Variants in LINGO1 observed in about 807,000 individuals in gnomAD.
LINGO1 encodes the protein leucine rich repeat and Ig domain containing 1.
A neutral mutation model predicts 37.3 loss-of-function variants in LINGO1; 11 were observed. That is an observed-to-expected ratio of 0.29 (90% CI 0.19 to 0.49). The LOEUF (loss-of-function observed/expected upper bound fraction) is 0.49, where lower values mean the gene tolerates loss of function less well. Ranked by LOEUF, LINGO1 falls within the 20% of genes least tolerant of loss-of-function variation. The probability of loss-of-function intolerance (pLI) is 0.99; values close to 1 mark genes in which losing one functional copy is unlikely to be tolerated. For missense variants in LINGO1, 585 were observed against 878.2 expected (o/e 0.67, Z 4.22); for synonymous variants, 387 against 403.0 (o/e 0.96, Z 0.48).
intron 3 of LINGO1, among the ~76,000 whole-genome samples, chr15:77,669,289 T>C (rs1317975685): frequency 6.6e-6 from 1 of 152,236 alleles, no homozygotes; most frequent in Admixed American, 6.5e-5. Context: ...CCTCAGACTC[T>C]GCCAGCCCCT....
At chr15:77,813,930 T>C (rs970388581) in intron 1 of LINGO1, among the ~76,000 whole-genome samples, 1 of 152,216 alleles carries the variant, frequency 6.6e-6, no homozygotes, top group Non-Finnish European at 1.5e-5. Context: ...CGCCTTAGCA[T>C]GGCCAGGGTT....
At chr15:77,646,603 T>C in intron 3 of LINGO1, 1 of 326,918 alleles carries the variant, frequency 3.1e-6, no homozygotes, top group South Asian at 2.4e-5. Context: ...GCCTCTCTCC[T>C]TGGGGCAGAT....
chr15:77,774,179 G>T (rs1276563655), intron 1 of LINGO1, among the ~76,000 whole-genome samples: 1 of 152,118 alleles, frequency 6.6e-6, no homozygotes, highest in African/African-American at 2.4e-5. Flanking sequence ...ACAGCCTAGA[G>T]GGTGGTGAGT....
chr15:77,680,994 T>A (rs2075404288), intron 2 of LINGO1, among the ~76,000 whole-genome samples: 1 of 152,150 alleles, frequency 6.6e-6, no homozygotes, highest in African/African-American at 2.4e-5. Flanking sequence ...GGGAAAGCCC[T>A]TCCTGTTGAT....
At chr15:77,717,539 T>C (rs141921958) in intron 2 of LINGO1, among the ~76,000 whole-genome samples, 8 of 151,012 alleles carry the variant, frequency 5.3e-5, no homozygotes, top group Middle Eastern at 3.4e-3. Flanking sequence ...AGAACTGTCC[T>C]GCCTGTGAAA....
intron 1 of LINGO1, among the ~76,000 whole-genome samples, chr15:77,619,702 T>TAAATAAAATAAAATA (rs138166574): frequency 5.3e-4 from 78 of 147,114 alleles, no homozygotes; most frequent in African/African-American, 1.9e-3. Context: ...AAACAATAAA[T>TAAATAAAATAAAATA]AAATAAAATA....
At chr15:77,729,056 C>T (rs1170697022) in intron 2 of LINGO1, among the ~76,000 whole-genome samples, 3 of 152,206 alleles carry the variant, frequency 2.0e-5, no homozygotes, top group Admixed American at 2.0e-4. Flanking sequence ...TTCTCTTTAA[C>T]CCTCCTTCCC....
At chr15:77,668,947 G>A (rs1438032406) in intron 3 of LINGO1, among the ~76,000 whole-genome samples, 1 of 152,076 alleles carries the variant, frequency 6.6e-6, no homozygotes, top group East Asian at 1.9e-4. Context: ...GGCCTCTCAA[G>A]CCACGGACAA....
chr15:77,775,523 G>C (rs1036797375), intron 1 of LINGO1, among the ~76,000 whole-genome samples: 1 of 152,076 alleles, frequency 6.6e-6, no homozygotes, highest in Non-Finnish European at 1.5e-5. Flanking sequence ...CCCTCTCTCT[G>C]AAATGAGAAG....
chr15:77,808,550 A>G (rs865875784), intron 1 of LINGO1, among the ~76,000 whole-genome samples: 35 of 152,142 alleles, frequency 2.3e-4, no homozygotes, highest in Middle Eastern at 3.4e-3. Flanking sequence ...CCAAATACAG[A>G]GCAGACACCT....
intron 2 of LINGO1, among the ~76,000 whole-genome samples, chr15:77,725,609 C>T (rs2076094707): frequency 6.6e-6 from 1 of 152,182 alleles, no homozygotes; most frequent in South Asian, 2.1e-4. Context: ...TTAACCCTCA[C>T]AACTTCCCTG....
chr15:77,745,916 G>A (rs1462309453), intron 1 of LINGO1, among the ~76,000 whole-genome samples: 9 of 152,076 alleles, frequency 5.9e-5, no homozygotes, highest in African/African-American at 1.9e-4. Flanking sequence ...GAGCACCTGA[G>A]TCTGAAAGAA....
intron 1 of LINGO1, among the ~76,000 whole-genome samples, chr15:77,760,516 G>GAA (rs2076464733): frequency 4.6e-5 from 7 of 152,242 alleles, no homozygotes; most frequent in African/African-American, 1.7e-4. Context: ...AGTTGAATCT[G>GAA]GCCACACAGG....
At chr15:77,646,435 C>T (rs984388280) in intron 3 of LINGO1, 5 of 455,600 alleles carry the variant, frequency 1.1e-5, no homozygotes, top group South Asian at 3.1e-5. Context: ...GCAGGGAAGG[C>T]GAGAAGAGGG....
At chr15:77,662,093 A>G (rs1421344635) in intron 3 of LINGO1, among the ~76,000 whole-genome samples, 3 of 152,164 alleles carry the variant, frequency 2.0e-5, no homozygotes, top group Non-Finnish European at 4.4e-5. Context: ...TGGCTGACAG[A>G]TTGAATTAGA....
At chr15:77,741,817 T>C (rs935688989) in intron 1 of LINGO1, among the ~76,000 whole-genome samples, 1 of 152,098 alleles carries the variant, frequency 6.6e-6, no homozygotes, top group African/African-American at 2.4e-5. Context: ...CTTGTCCCCA[T>C]ACATACTCAG....
intron 2 of LINGO1, among the ~76,000 whole-genome samples, chr15:77,721,080 C>T (rs1031457711): frequency 2.0e-5 from 3 of 152,112 alleles, no homozygotes; most frequent in Admixed American, 1.3e-4. Context: ...CACCCCTACC[C>T]ACTCCCCAGT....
rs1016098178 is a variant in LINGO1, at chr15:77,614,628, G to A, written c.1279C>T (p.Arg427Trp). The A allele has an allele frequency of 2.0e-5, 32 of 1,611,564 alleles. No homozygotes were observed. Among genetic ancestry groups the A allele is most frequent in the Non-Finnish European group, 2.3e-5 (27 of 1,179,080 alleles). ...AACACCTGCTGGGCCTTGCGGTCCC[G>A]GATGCGGGCGCGGCGGCAGGTGAAG... ...NYFTCRRARI[R>W]DRKAQQVFVD... The change falls in exon 2 of 2, where the codon CGG becomes TGG. Residue 427 changes from arginine (R) to tryptophan (W), a missense_variant. Physicochemically the swap from Arg to Trp is moderately radical, Grantham distance 101. Coordinates refer to ENST00000355300, the MANE Select transcript of LINGO1 (RefSeq NM_032808.7).
At chr15:77,649,318 A>G (rs769397316) in intron 3 of LINGO1, 3 of 152,256 alleles carry the variant, frequency 2.0e-5, no homozygotes, top group Non-Finnish European at 2.9e-5. Context: ...GTAAATGTCC[A>G]TTCTTTGGTA....
Sources: gnomAD v4.1 joint callset for allele counts (sites outside exome capture counted in the v4.1 genomes callset) on GRCh38, gnomAD v4.1.1 for gene constraint, MANE v1.5 for transcripts, NCBI Gene and HGNC (gene_info 2026-07-23, HGNC 2026-07-21) for gene names.